CPLANE1: variants seen among roughly 807,000 people sequenced by gnomAD.
CPLANE1 encodes ciliogenesis and planar polarity effector 1.
Under a neutral mutation model 362.5 loss-of-function variants are expected in CPLANE1, and 263 were observed. The ratio of observed to expected loss-of-function variants is 0.73; its 90% CI spans 0.66 to 0.80. CPLANE1 has a LOEUF of 0.80. Among genes scored for constraint, CPLANE1 ranks in the 30% least tolerant of loss-of-function variants. The probability of loss-of-function intolerance (pLI) is 0.00; values close to 1 mark genes in which losing one functional copy is unlikely to be tolerated. For missense variants in CPLANE1, 3,461 were observed against 3,793.4 expected, an observed-to-expected ratio of 0.91 and a Z score of 2.30; for synonymous variants, 1,212 against 1,302.6, an observed-to-expected ratio of 0.93 and a Z score of 1.50.
At chr5:37,125,033 T>C in intron 47 of CPLANE1, 1 of 1,322,354 alleles carries the variant, frequency 7.6e-7, no homozygotes, top group Non-Finnish European at 9.6e-7. Flanking sequence ...AAGAAAATAT[T>C]TAAGATAATT....
Position 37,170,288 on chromosome 5 carries a change from G to C in CPLANE1, c.6215C>G (p.Ser2072Ter). 1.9e-6 allele frequency: 3 copies of C among 1,614,116 alleles called. No individual in the cohort carries two copies. Among genetic ancestry groups the C allele is most frequent in the Non-Finnish European group, 2.5e-6 (3 of 1,180,016 alleles). ...NFMSLMQIVGSSFANLPDTQQ... is the reference protein window; with the variant it reads ...NFMSLMQIVG ...TGTATCTGGGAGATTAGCAAAGGAT[G>C]ATCCTACTATTTGCATTAGGCTCAT... is the stretch of plus-strand genomic sequence containing the variant. The change falls in exon 33 of 53, where the codon TCA (serine) becomes TGA (stop). Residue 2072 changes from serine (S) to a stop codon, truncating the protein, a stop_gained. Coordinates refer to ENST00000651892, the MANE Select transcript of CPLANE1 (RefSeq NM_001384732.1). LOFTEE classifies it high-confidence loss of function.
intron 51 of CPLANE1, among the ~76,000 whole-genome samples, chr5:37,110,106 T>C (rs1393301203): frequency 6.6e-6 from 1 of 152,172 alleles, no homozygotes; most frequent in Non-Finnish European, 1.5e-5. Flanking sequence ...TGCCGTCTTC[T>C]GTTCTTTCTT....
chr5:37,175,793 T>TA lies in CPLANE1; in HGVS notation c.5978+115dup, dbSNP rs376514136. 2.4e-4 allele frequency: 171 copies of TA among 704,250 alleles called. No homozygotes were observed. The African/African-American group carries it at 2.5e-3, about 10-fold the overall frequency. 43.6% of individuals were successfully genotyped at this position (704,250 alleles called of 1,614,324 possible). Reference sequence around the variant, plus strand: ...TGTTTTATGTTGCTTTCATTTTTCTTAGTTTTTAGTCAAAATGTAGCAATT... The same window carrying TA: ...TGTTTTATGTTGCTTTCATTTTTCTTAAGTTTTTAGTCAAAATGTAGCAATT... On this transcript the variant is annotated intron_variant, in intron 31 of 52. Transcript: ENST00000651892.
In CPLANE1 at chr5:37,125,340, C is replaced by T; in HGVS notation, c.8862G>A (p.Met2954Ile). The change falls in exon 47 of 53, where the codon ATG (methionine) becomes ATA (isoleucine). Residue 2954 changes from methionine (M) to isoleucine (I), a missense_variant. Physicochemically the swap from Met to Ile is conservative, Grantham distance 10. This residue lies in a region of CPLANE1 where 3,380 missense variants were observed against 3,666.1 expected (regional missense o/e 0.92). Transcript: ENST00000651892. The part of the protein sequence containing the change: ...DKERREIQAW[M>I]KRKRKERMAK... The stretch of plus-strand genomic sequence containing the variant: ...CCATTCTTTCTTTTCGTTTTCTTTT[C>T]ATCCAGGCTTGAATCTCTCTTCTTT... 6.8e-6 allele frequency: 11 copies of T among 1,613,892 alleles called. No homozygotes were observed. Among genetic ancestry groups the T allele is most frequent in the Non-Finnish European group, 9.3e-6 (11 of 1,179,918 alleles).
intron 16 of CPLANE1, among the ~76,000 whole-genome samples, chr5:37,207,620 C>G (rs1580735381): frequency 6.6e-6 from 1 of 152,200 alleles, no homozygotes; most frequent in African/African-American, 2.4e-5. Flanking sequence ...GAAACATTCA[C>G]AGAACATAGG....
At chr5:37,233,524 G>A (rs935606900) in intron 8 of CPLANE1, among the ~76,000 whole-genome samples, 7 of 152,020 alleles carry the variant, frequency 4.6e-5, no homozygotes, top group African/African-American at 7.2e-5. Flanking sequence ...CAAGCTCTCC[G>A]AAGCACACTT....
At chr5:37,087,702 C>T in the CPLANE1 span, among the ~76,000 whole-genome samples, 3 of 152,166 alleles carry the variant, frequency 2.0e-5, no homozygotes, top group East Asian at 3.8e-4. Context: ...GTGATCCACC[C>T]GCCTCAGCCT....
intron 31 of CPLANE1, 105 bp from the exon 32 acceptor site, chr5:37,174,052 A>G: frequency 2.0e-6 from 2 of 990,504 alleles, no homozygotes; most frequent in Non-Finnish European, 1.5e-6. Flanking sequence ...CTTCCAATTT[A>G]AAGGTTATTC....
chr5:37,079,460 A>G, the CPLANE1 span, among the ~76,000 whole-genome samples: 2 of 152,220 alleles, frequency 1.3e-5, no homozygotes, highest in African/African-American at 2.4e-5. Context: ...TTTTTAAATT[A>G]GTATCATCTT....
the CPLANE1 span, among the ~76,000 whole-genome samples, chr5:37,100,662 T>C: frequency 6.6e-6 from 1 of 152,210 alleles, no homozygotes; most frequent in Non-Finnish European, 1.5e-5. Context: ...ATGTCAATGG[T>C]AGTTTAAGGG....
intron 49 of CPLANE1, 102 bp from the exon 50 acceptor site, chr5:37,120,442 A>G: frequency 1.0e-6 from 1 of 953,968 alleles, no homozygotes; most frequent in Non-Finnish European, 1.5e-6. Flanking sequence ...CAGTAGTGCA[A>G]GCCTATAGCC....
At position 37,142,365 on chromosome 5, in the gene CPLANE1, A is replaced by G. The variant is rs1440185459; in HGVS notation, c.8577T>C (p.Thr2859=). The change falls in exon 44 of 53, where the codon ACT becomes ACC. Residue 2859 remains threonine, a synonymous_variant. Coordinates refer to ENST00000651892, the MANE Select transcript of CPLANE1 (RefSeq NM_001384732.1). ...YSGQKTCVFP[T]ADSAVSLSSS... is the part of the protein sequence containing the mutation. ...TGGAAAGGCTGACAGCTGAATCGGC[A>G]GTAGGAAACACACAGGTTTTCTGAC... 1 of 1,611,144 alleles carries G rather than the reference A, an allele frequency of 6.2e-7. No individual in the cohort carries two copies. Among genetic ancestry groups the G allele is most frequent in the Admixed American group, 1.7e-5 (1 of 59,430 alleles).
At chr5:37,154,591 C>T (rs13171061) in intron 41 of CPLANE1, among the ~76,000 whole-genome samples, 26,969 of 150,786 alleles carry the variant, frequency 0.18, 2,816 homozygotes, top group East Asian at 0.34. Context: ...TGAGCCACTG[C>T]GCCTGGTCTG....
At chr5:37,126,677 T>C (rs963431120) in intron 46 of CPLANE1, among the ~76,000 whole-genome samples, 2 of 151,788 alleles carry the variant, frequency 1.3e-5, no homozygotes, top group Non-Finnish European at 2.9e-5. Flanking sequence ...GCAGTAGGAG[T>C]GGTCTGAGAA....
intron 44 of CPLANE1, 64 bp from the exon 45 acceptor site, chr5:37,139,434 AT>A: frequency 9.0e-7 from 1 of 1,113,410 alleles, no homozygotes; most frequent in Non-Finnish European, 1.2e-6. Flanking sequence ...TGTTAATCTA[AT>A]TTAGAAATTA....
intron 16 of CPLANE1, chr5:37,210,245 T>G: frequency 6.2e-7 from 1 of 1,604,720 alleles, no homozygotes; most frequent in Non-Finnish European, 8.5e-7. Flanking sequence ...AAGATATGGA[T>G]TTGCTAAGAG....
intron 23 of CPLANE1, among the ~76,000 whole-genome samples, chr5:37,187,060 CAAAAAAAAAAA>C (rs61112118): frequency 1.6e-4 from 8 of 50,396 alleles, no homozygotes; most frequent in Admixed American, 4.7e-4. Context: ...GACTCCGTCT[CAAAAAAAAAAA>C]AAAAAAAAAA....
intron 9 of CPLANE1, among the ~76,000 whole-genome samples, chr5:37,229,431 C>A (rs1284428046): frequency 2.0e-5 from 3 of 151,172 alleles, no homozygotes; most frequent in Non-Finnish European, 2.9e-5. Flanking sequence ...CCCAGCTACT[C>A]GGGAGGCTGA....
At chr5:37,211,629 C>G (rs887695624) in intron 16 of CPLANE1, 15 of 833,034 alleles carry the variant, frequency 1.8e-5, no homozygotes, top group Non-Finnish European at 3.0e-5. Flanking sequence ...TCTGGAAGGT[C>G]TGGGCAGATC....
Sources: allele counts gnomAD v4.1 joint callset (sites outside exome capture counted in the v4.1 genomes callset), GRCh38; gene constraint gnomAD v4.1.1; regional missense constraint gnomAD v4.1.1; transcripts MANE v1.5; gene names NCBI Gene and HGNC (gene_info 2026-07-23, HGNC 2026-07-21).